PHF20: variants seen among roughly 807,000 people sequenced by gnomAD.
The protein encoded by PHF20 is glioma-expressed antigen 2.
In PHF20, 23 loss-of-function variants were observed where a neutral mutation model predicts 113.5. The ratio of observed to expected loss-of-function variants is 0.20; its 90% CI spans 0.15 to 0.29. PHF20 has a LOEUF of 0.29. Among genes scored for constraint, PHF20 ranks in the 10% least tolerant of loss-of-function variants. PHF20 has a pLI of 1.00. For synonymous variants in PHF20, 434 were observed against 457.3 expected, an observed-to-expected ratio of 0.95 and a Z score of 0.65; for missense variants, 943 against 1,219.6, an observed-to-expected ratio of 0.77 and a Z score of 3.38.
chr20:35,839,333 G>C (rs1040151289), intron 2 of PHF20, among the ~76,000 whole-genome samples: 2 of 148,276 alleles, frequency 1.3e-5, no homozygotes, highest in Non-Finnish European at 3.0e-5. Flanking sequence ...GGAGCTTGCA[G>C]TGAGCTAAGA....
intron 1 of PHF20, among the ~76,000 whole-genome samples, chr20:35,774,086 T>A (rs1248369258): frequency 6.7e-6 from 1 of 149,846 alleles, no homozygotes; most frequent in Non-Finnish European, 1.5e-5. Flanking sequence ...TTGTCAATCT[T>A]CTTTTTTTTT....
chr20:35,825,050 A>G (rs557971567), intron 2 of PHF20, among the ~76,000 whole-genome samples: 9 of 152,270 alleles, frequency 5.9e-5, no homozygotes, highest in Admixed American at 5.9e-4. Flanking sequence ...TGGACATATG[A>G]TTTTACATCA....
chr20:35,830,715 C>G (rs2042343771), intron 2 of PHF20, among the ~76,000 whole-genome samples: 2 of 149,688 alleles, frequency 1.3e-5, no homozygotes. Flanking sequence ...CAGAAGTTTG[C>G]TTTTTTTTTC....
At chr20:35,795,133 A>C (rs1323245822) in intron 1 of PHF20, among the ~76,000 whole-genome samples, 4 of 151,514 alleles carry the variant, frequency 2.6e-5, no homozygotes, top group Non-Finnish European at 5.9e-5. Context: ...AGGAGGTTGC[A>C]GTGAGCTGAG....
At chr20:35,921,393 C>T (rs1461213298) in intron 13 of PHF20, among the ~76,000 whole-genome samples, 3 of 151,664 alleles carry the variant, frequency 2.0e-5, no homozygotes, top group African/African-American at 7.3e-5. Flanking sequence ...GCCCTGTGGA[C>T]TACTATTAGA....
At chr20:35,848,113 T>TGA (rs1199436790) in intron 4 of PHF20, among the ~76,000 whole-genome samples, 1 of 152,052 alleles carries the variant, frequency 6.6e-6, no homozygotes, top group Non-Finnish European at 1.5e-5. Flanking sequence ...ATCTCTGAAG[T>TGA]GAGTGTTTAG....
chr20:35,864,344 G>A (rs1359760487), intron 6 of PHF20, among the ~76,000 whole-genome samples: 1 of 151,744 alleles, frequency 6.6e-6, no homozygotes, highest in East Asian at 1.9e-4. Context: ...GCTGAGGTGG[G>A]AGGATTGCTT....
intron 1 of PHF20, among the ~76,000 whole-genome samples, chr20:35,800,349 C>T (rs184726937): frequency 1.7e-4 from 26 of 152,110 alleles, no homozygotes; most frequent in African/African-American, 5.5e-4. Flanking sequence ...CACTTGAACC[C>T]GAGAAGCAGA....
rs201029674 is a variant in PHF20, at chr20:35,779,016, G to GT, written c.-33+6946dup. ...GAGGGGCTTGGGATTTAAACAAAGG[G>GT]TTTTTTTTTGTTTTGTTTTGTTTTT... is the stretch of plus-strand genomic sequence containing the variant. On this transcript the variant is annotated intron_variant, in intron 1 of 17. Coordinates refer to ENST00000374012, the MANE Select transcript of PHF20 (RefSeq NM_016436.5). Among the ~76,000 whole-genome samples, 1,479 of 150,568 alleles carry GT rather than the reference G, an allele frequency of 9.8e-3. 15 individuals are homozygous for GT. The highest frequency in any genetic ancestry group is 0.037 in the East Asian group (192 of 5,132).
intron 9 of PHF20, among the ~76,000 whole-genome samples, chr20:35,888,221 C>T (rs1423659427): frequency 6.6e-6 from 1 of 152,076 alleles, no homozygotes; most frequent in South Asian, 2.1e-4. Context: ...CCTCAGGTGA[C>T]CCACCCACCT....
intron 1 of PHF20, among the ~76,000 whole-genome samples, chr20:35,772,342 C>T (rs911002599): frequency 6.6e-6 from 1 of 150,884 alleles, no homozygotes; most frequent in African/African-American, 2.4e-5. Flanking sequence ...ATCAGCGCCG[C>T]CCGAGGGGGC....
intron 9 of PHF20, among the ~76,000 whole-genome samples, chr20:35,879,091 A>G (rs1006295663): frequency 2.6e-5 from 4 of 152,170 alleles, no homozygotes; most frequent in Admixed American, 2.6e-4. Context: ...AGAATCTCAC[A>G]TATTTTGGAT....
intron 4 of PHF20, among the ~76,000 whole-genome samples, chr20:35,854,275 C>G (rs529140173): frequency 1.3e-5 from 2 of 152,146 alleles, no homozygotes; most frequent in Non-Finnish European, 2.9e-5. Context: ...GTCCTTAACC[C>G]TCAGAGGGGC....
At chr20:35,933,470 T>C (rs1330477176) in intron 15 of PHF20, among the ~76,000 whole-genome samples, 6 of 151,776 alleles carry the variant, frequency 4.0e-5, no homozygotes, top group South Asian at 4.2e-4. Context: ...GATCTTGGCT[T>C]ACTGCAAGCT....
chr20:35,800,187 CT>C (rs1205316602), intron 1 of PHF20: 1 of 152,094 alleles, frequency 6.6e-6, no homozygotes, highest in Non-Finnish European at 1.5e-5. Context: ...AATATTTTTA[CT>C]GTTTTATTGT....
chr20:35,913,909 G>T, intron 11 of PHF20, 124 bp from the exon 12 acceptor site: 8 of 855,002 alleles, frequency 9.4e-6, no homozygotes, highest in Admixed American at 7.4e-5. Context: ...ACCTCTTTTT[G>T]GTTGAATTGT....
chr20:35,839,390 CAA>C (rs752680212), intron 2 of PHF20, among the ~76,000 whole-genome samples: 5,820 of 67,432 alleles, frequency 0.086, 58 homozygotes, highest in Middle Eastern at 0.12. Context: ...GATTCCATCT[CAA>C]AAAAAAAAAA....
intron 9 of PHF20, among the ~76,000 whole-genome samples, chr20:35,876,294 G>T (rs538836088): frequency 2.3e-4 from 35 of 152,238 alleles, no homozygotes; most frequent in African/African-American, 5.8e-4. Flanking sequence ...GAGATGGCCG[G>T]GCCTGGTGGC....
chr20:35,865,497 GTTTTTTT>G lies in PHF20; in HGVS notation c.808+2116_808+2122del, dbSNP rs201623482. 1.7e-4 allele frequency among the ~76,000 whole-genome samples: 16 copies of G among 96,600 alleles called. No homozygotes were observed. In the South Asian group the frequency reaches 4.9e-3, roughly 30 times the overall value. 63.4% of individuals were successfully genotyped at this position (96,600 alleles called of 152,430 possible). On this transcript the variant is annotated intron_variant, in intron 6 of 17. Coordinates refer to ENST00000374012, the MANE Select transcript of PHF20 (RefSeq NM_016436.5). Reference sequence around the variant, plus strand: ...TATTTAAATTAACTTTTTAAGTTGTGTTTTTTTTTTTTTTTTTTTTTTTTTGACAGGG... The same window carrying G: ...TATTTAAATTAACTTTTTAAGTTGTGTTTTTTTTTTTTTTTTTTGACAGGG...
Sources: allele counts gnomAD v4.1 joint callset (sites outside exome capture counted in the v4.1 genomes callset), GRCh38; gene constraint gnomAD v4.1.1; transcripts MANE v1.5; gene names NCBI Gene and HGNC (gene_info 2026-07-23, HGNC 2026-07-21).